Variants in NCSTN observed in about 807,000 individuals in gnomAD.
The protein encoded by NCSTN is nicastrin, also known as anterior pharynx-defective 2.
Under a neutral mutation model 87.0 loss-of-function variants are expected in NCSTN, and 22 were observed. The observed-to-expected ratio is 0.25, with a 90% CI of 0.18 to 0.36. NCSTN has a LOEUF of 0.36. Among genes scored for constraint, NCSTN ranks in the 10% least tolerant of loss-of-function variants. The probability of loss-of-function intolerance (pLI) is 1.00; values close to 1 mark genes in which losing one functional copy is unlikely to be tolerated. For synonymous variants in NCSTN, 306 were observed against 327.1 expected (o/e 0.94, Z 0.69); for missense variants, 693 against 883.3 (o/e 0.78, Z 2.73).
Position 160,354,201 on chromosome 1 carries a change from T to A in NCSTN, c.1263T>A (p.Pro421=). Residue 421 remains proline, a synonymous_variant, in exon 11 of 17, where the codon CCT becomes CCA. Coordinates refer to ENST00000294785, the MANE Select transcript of NCSTN (RefSeq NM_015331.3). ...TCAGGAGGCCAAATCAGTCCCAGCC[T>A]CTCCCACCATCTTCCCTGCAGCGAT... The part of the protein sequence containing the change: ...VILRRPNQSQ[P]LPPSSLQRFL... 6.2e-7 allele frequency: 1 copy of A among 1,614,092 alleles called. No individual in the cohort carries two copies. Among genetic ancestry groups the A allele is most frequent in the Non-Finnish European group, 8.5e-7 (1 of 1,180,010 alleles).
intron 3 of NCSTN, 39 bp from the exon 4 acceptor site, chr1:160,349,510 C>CT: frequency 6.2e-7 from 1 of 1,613,964 alleles, no homozygotes. Context: ...TGTCTGATAC[C>CT]TTCCTGTGTT....
In NCSTN at chr1:160,356,251, C is replaced by T. The variant is rs1557889055; in HGVS notation, c.1552-9C>T. ...ACAGGGTTTTCTCTCTTTACTGTTC[C>T]AATCCTAGGTTACCCGCCTGCTCTA... On this transcript the variant is annotated splice_polypyrimidine_tract_variant and intron_variant, in intron 13 of 16. Coordinates refer to ENST00000294785, the MANE Select transcript of NCSTN (RefSeq NM_015331.3). The T allele has an allele frequency of 6.2e-7, 1 of 1,602,000 alleles. No individual in the cohort carries two copies. Among genetic ancestry groups the T allele is most frequent in the Non-Finnish European group, 8.6e-7 (1 of 1,168,972 alleles).
rs369775660 is a variant in NCSTN at position 160,357,048 on chromosome 1, A to T, written c.1802A>T (p.Glu601Val). 7 of 1,613,482 alleles carry T rather than the reference A, an allele frequency of 4.3e-6. No individual in the cohort carries two copies. The African/African-American group carries it at 9.3e-5, about 22-fold the overall frequency. Residue 601 changes from glutamate (E) to valine (V), a missense_variant, in exon 16 of 17, where the codon GAG becomes GTG. Transcript: ENST00000294785. ...KVPSENKDLY[E>V]YSWVQGPLHS... ...GGCGCATCTTCTGTGCAGCTGTATG[A>T]GTACTCATGGGTCCAGGGCCCTTTG...
At chr1:160,345,752 G>T (rs996175288) in intron 2 of NCSTN, among the ~76,000 whole-genome samples, 1 of 151,138 alleles carries the variant, frequency 6.6e-6, no homozygotes, top group Non-Finnish European at 1.5e-5. Context: ...CTGCCAGCAT[G>T]GTGAAACCCC....
In NCSTN at chr1:160,356,353, C is replaced by G; in HGVS notation, c.1639+6C>G. ...GGACCTAAGGTCCTACTTGGGTAAG[C>G]ATCTGGTGTGGGAATGGGACCCTTA... On this transcript the variant is annotated splice_donor_region_variant and intron_variant, in intron 14 of 16. Coordinates refer to ENST00000294785, the MANE Select transcript of NCSTN (RefSeq NM_015331.3). The G allele has an allele frequency of 6.3e-7, 1 of 1,599,426 alleles. No homozygotes were observed. Among genetic ancestry groups the G allele is most frequent in the Middle Eastern group, 1.7e-4 (1 of 6,036 alleles).
chr1:160,356,882 T>G (rs1033397941), intron 15 of NCSTN, 128 bp downstream of exon 15: 125 of 1,420,456 alleles, frequency 8.8e-5, no homozygotes, highest in Non-Finnish European at 1.2e-4. Flanking sequence ...CCTCAGCAAT[T>G]GGGTGTTGAA....
At position 160,352,212 on chromosome 1, in the gene NCSTN, G is replaced by A; in HGVS notation, c.996+6G>A. ...TGTTTGTCTTCTTTCAAGGGGTAAG[G>A]GCTCTTTGGCTGGGGTGCAATGGCA... is the stretch of plus-strand genomic sequence containing the variant. On this transcript the variant is annotated splice_donor_region_variant and intron_variant, in intron 8 of 16. Transcript: ENST00000294785. 6.2e-7 allele frequency: 1 copy of A among 1,613,984 alleles called. No homozygotes were observed. Among genetic ancestry groups the A allele is most frequent in the Non-Finnish European group, 8.5e-7 (1 of 1,179,906 alleles).
intron 1 of NCSTN, chr1:160,343,959 T>C: frequency 7.8e-6 from 2 of 257,602 alleles, no homozygotes; most frequent in Non-Finnish European, 1.5e-5. Flanking sequence ...CTCAGGTTTT[T>C]TTTTTTTTTT....
chr1:160,356,862 GAGATGC>G, intron 15 of NCSTN, 108 bp downstream of exon 15: 1 of 1,478,808 alleles, frequency 6.8e-7, no homozygotes, highest in Middle Eastern at 2.3e-4. Flanking sequence ...GAGAGGTGGA[GAGATGC>G]AGTCCTCAGC....
intron 15 of NCSTN, 70 bp from the exon 16 acceptor site, chr1:160,356,971 A>G: frequency 2.7e-6 from 4 of 1,468,054 alleles, no homozygotes; most frequent in Non-Finnish European, 3.8e-6. Flanking sequence ...CATGGCACTG[A>G]TAGAGGGTAG....
intron 16 of NCSTN, 101 bp from the exon 17 acceptor site, chr1:160,358,048 C>T: frequency 6.8e-7 from 1 of 1,473,594 alleles, no homozygotes; most frequent in Non-Finnish European, 9.5e-7. Flanking sequence ...TTAGAGCCAG[C>T]ATCCGAATTC....
At chr1:160,352,702 A>G (rs1648926344) in intron 8 of NCSTN, among the ~76,000 whole-genome samples, 185 bp from the exon 9 acceptor site, 1 of 152,172 alleles carries the variant, frequency 6.6e-6, no homozygotes. Context: ...AATACATATG[A>G]GGGATAGTCA....
At chr1:160,353,775 G>T (rs1423986040) in intron 10 of NCSTN, 1 of 931,046 alleles carries the variant, frequency 1.1e-6, no homozygotes, top group East Asian at 1.2e-4. Context: ...TCAGCACGCA[G>T]TTTTCTATTA....
rs1347970434 is a variant in NCSTN, at chr1:160,358,419, G to A, written c.*148G>A. ...TAAAAGAGTGGAACTATCCAAAAGA[G>A]ACAGGGAGAAATAAATAAATTGCCT... On this transcript the variant is annotated 3_prime_UTR_variant, in exon 17 of 17. Transcript: ENST00000294785. The A allele has an allele frequency of 9.5e-7, 1 of 1,057,018 alleles. No individual in the cohort carries two copies. The highest frequency in any genetic ancestry group is 1.6e-5 in the African/African-American group (1 of 63,794). The allele number at this position is 1,057,018 out of a possible 1,614,324, so 65.5% of individuals were successfully genotyped here.
Position 160,347,262 on chromosome 1 carries a change from C to T in NCSTN, c.191-1737C>T, listed in dbSNP as rs1467046367. Among the ~76,000 whole-genome samples the T allele has an allele frequency of 1.1e-4, 16 of 152,162 alleles. 1 individual carries two copies. On this transcript the variant is annotated intron_variant, in intron 2 of 16. Transcript: ENST00000294785. ...ATCTGTCTTTTCTGAGCAGGCTCCGCCCTTTTTAATTAGTGTAGCTAACAT... is the reference window on the plus strand; with the variant it reads ...ATCTGTCTTTTCTGAGCAGGCTCCGTCCTTTTTAATTAGTGTAGCTAACAT...
rs150064793 is a variant in NCSTN, at chr1:160,357,087, C to T, written c.1841C>T (p.Thr614Met). 66 of 1,613,924 alleles carry T rather than the reference C, an allele frequency of 4.1e-5. No individual in the cohort carries two copies. The highest frequency in any genetic ancestry group is 1.6e-4 in the Middle Eastern group (1 of 6,076). Residue 614 changes from threonine to methionine, a missense_variant, in exon 16 of 17, where the codon ACG becomes ATG. Coordinates refer to ENST00000294785, the MANE Select transcript of NCSTN (RefSeq NM_015331.3). ...CAGGGCCCTTTGCATTCTAATGAGA[C>T]GGACCGACTCCCCCGGTGTGTGCGT... ...WVQGPLHSNE[T>M]DRLPRCVRST...
chr1:160,355,938 G>A lies in NCSTN; in HGVS notation c.1531G>A (p.Val511Ile). Reference sequence around the variant, plus strand: ...AGGAGGAACCAACTTCAGCGACACAGTTCAGGCTGATCCCCAAACGGTAAG... The same window carrying A: ...AGGAGGAACCAACTTCAGCGACACAATTCAGGCTGATCCCCAAACGGTAAG... ...LAGGTNFSDTVQADPQTVTRL... is the reference protein window; with the variant it reads ...LAGGTNFSDTIQADPQTVTRL... The change falls in exon 13 of 17, where the codon GTT (valine) becomes ATT (isoleucine). Residue 511 changes from valine to isoleucine, a missense_variant. Physicochemically the swap from Val to Ile is conservative, Grantham distance 29. Transcript: ENST00000294785. The A allele has an allele frequency of 5.6e-6, 9 of 1,613,912 alleles. No individual in the cohort carries two copies. Among genetic ancestry groups the A allele is most frequent in the Non-Finnish European group, 7.6e-6 (9 of 1,179,786 alleles).
Position 160,351,392 on chromosome 1 carries a change from T to G in NCSTN, c.733+20T>G. On this transcript the variant is annotated intron_variant, in intron 6 of 16. Coordinates refer to ENST00000294785, the MANE Select transcript of NCSTN (RefSeq NM_015331.3). ...ACCCAGGTAGGGCAGATCCGAACCA[T>G]GAGGGTAATGGAATAAGGGGCAGAG... The G allele has an allele frequency of 6.2e-7, 1 of 1,612,498 alleles. No homozygotes were observed. Among genetic ancestry groups the G allele is most frequent in the Non-Finnish European group, 8.5e-7 (1 of 1,178,820 alleles).
At chr1:160,351,479 T>C in intron 6 of NCSTN, 107 bp downstream of exon 6, 2 of 1,413,238 alleles carry the variant, frequency 1.4e-6, no homozygotes, top group East Asian at 2.4e-5. Context: ...GTAGACACCA[T>C]GAAGGAGCTC....
Sources: allele counts gnomAD v4.1 joint callset (sites outside exome capture counted in the v4.1 genomes callset), GRCh38; gene constraint gnomAD v4.1.1; transcripts MANE v1.5; gene names NCBI Gene and HGNC (gene_info 2026-07-23, HGNC 2026-07-21).